WDR7: variants seen among roughly 807,000 people sequenced by gnomAD.
WDR7 encodes WD repeat-containing protein 7.
In WDR7, 46 loss-of-function variants were observed where a neutral mutation model predicts 169.4. The observed-to-expected ratio is 0.27, with a 90% CI of 0.21 to 0.35. WDR7 has a LOEUF of 0.35. WDR7 is among the 10% of genes least tolerant of loss of function. The pLI is 1.00. For missense variants in WDR7, 1,534 were observed against 1,859.3 expected (o/e 0.83, Z 3.22); for synonymous variants, 612 against 666.8 (o/e 0.92, Z 1.27).
chr18:56,781,439 CTAGCCT>C, intron 18 of WDR7, 88 bp from the exon 19 acceptor site: 1 of 1,292,372 alleles, frequency 7.7e-7, no homozygotes, highest in Non-Finnish European at 1.0e-6. Flanking sequence ...TTTATGTTTT[CTAGCCT>C]TATTTCATTA....
rs1261301329 is a variant in WDR7 at position 56,903,779 on chromosome 18, A to G, written c.3527-20143A>G. Reference sequence around the variant, plus strand: ...TTCTGTCAGATTCAAGAAAATTACTATGGACCACAAGTAGATTCCTTGCCA... The same window carrying G: ...TTCTGTCAGATTCAAGAAAATTACTGTGGACCACAAGTAGATTCCTTGCCA... On this transcript the variant is annotated intron_variant, in intron 21 of 27. Coordinates refer to ENST00000254442, the MANE Select transcript of WDR7 (RefSeq NM_015285.3). Among the ~76,000 whole-genome samples, 4 of 152,248 alleles carry G rather than the reference A, an allele frequency of 2.6e-5. No homozygotes were observed. In the East Asian group the frequency reaches 7.7e-4, roughly 29 times the overall value.
intron 20 of WDR7, among the ~76,000 whole-genome samples, chr18:56,860,003 G>GA (rs1286658235): frequency 6.6e-6 from 1 of 152,138 alleles, no homozygotes; most frequent in Non-Finnish European, 1.5e-5. Context: ...ATAAATGCAA[G>GA]AAAAGTATTT....
intron 25 of WDR7, among the ~76,000 whole-genome samples, chr18:56,947,729 G>A (rs749275775): frequency 3.9e-5 from 6 of 152,214 alleles, no homozygotes; most frequent in African/African-American, 4.8e-5. Context: ...ATCATGAAAC[G>A]TGAAGGCGTA....
chr18:57,029,158 A>T lies in WDR7; in HGVS notation c.*1951A>T, dbSNP rs532426040. 9 of 152,308 alleles carry T rather than the reference A, an allele frequency of 5.9e-5. No homozygotes were observed. Among genetic ancestry groups the T allele is most frequent in the African/African-American group, 2.2e-4 (9 of 41,562 alleles). The allele number at this position is 152,308 out of a possible 1,614,324, so 9.4% of individuals were successfully genotyped here. On this transcript the variant is annotated 3_prime_UTR_variant, in exon 28 of 28. Transcript: ENST00000254442. ...CTTTAACAAAAATGTTCTGTGTGTC[A>T]GGAAAGAGGTGTGAGAGTGGTAGGC...
chr18:56,824,801 G>A (rs964817278), intron 20 of WDR7, among the ~76,000 whole-genome samples: 9 of 152,136 alleles, frequency 5.9e-5, no homozygotes, highest in African/African-American at 2.2e-4. Context: ...TTTTCTCTTG[G>A]AAAATAATAC....
chr18:56,730,575 G>A (rs1233936990), intron 13 of WDR7, among the ~76,000 whole-genome samples: 3 of 151,908 alleles, frequency 2.0e-5, no homozygotes, highest in Admixed American at 6.6e-5. Context: ...GACCATCCTG[G>A]CTAACACGGT....
In WDR7 at chr18:56,731,515, G is replaced by C. The variant is rs1568163517; in HGVS notation, c.1907G>C (p.Ser636Thr). The C allele has an allele frequency of 6.2e-7, 1 of 1,614,118 alleles. No individual in the cohort carries two copies. Among genetic ancestry groups the C allele is most frequent in the East Asian group, 2.2e-5 (1 of 44,870 alleles). Residue 636 changes from serine to threonine, a missense_variant, in exon 14 of 28, where the codon AGT (serine) becomes ACT (threonine). Physicochemically the swap from Ser to Thr is moderately conservative, Grantham distance 58 (BLOSUM62 1). Transcript: ENST00000254442. ...VNLKQAMTRRSLAALKNMAHH... is the reference protein window; with the variant it reads ...VNLKQAMTRRTLAALKNMAHH... ...CTAAAACAAGCTATGACGAGACGTA[G>C]TCTTGCTGCTCTTAAAAATATGGCC...
intron 26 of WDR7, among the ~76,000 whole-genome samples, chr18:56,991,372 T>C (rs371409138): frequency 1.1e-3 from 174 of 152,100 alleles, no homozygotes; most frequent in African/African-American, 3.3e-3. Flanking sequence ...GTCTCGATCT[T>C]CTGACCTCGT....
chr18:56,743,181 G>C (rs1282870592), intron 14 of WDR7, among the ~76,000 whole-genome samples: 2 of 152,188 alleles, frequency 1.3e-5, no homozygotes, highest in Non-Finnish European at 2.9e-5. Context: ...GAATGTAAAA[G>C]CAGGTTTTGT....
In WDR7 at chr18:56,738,798, CTTTTTTT is replaced by C. The variant is rs10547813; in HGVS notation, c.1989+7220_1989+7226del. On this transcript the variant is annotated intron_variant, in intron 14 of 27. Coordinates refer to ENST00000254442, the MANE Select transcript of WDR7 (RefSeq NM_015285.3). Reference sequence around the variant, plus strand: ...CAGATCATTTAGATAGCATAAAATCCTTTTTTTTTTTTTTTTTTTTTTTTTGCAAAAT... The same window carrying C: ...CAGATCATTTAGATAGCATAAAATCCTTTTTTTTTTTTTTTTTTGCAAAAT... Among the ~76,000 whole-genome samples the C allele has an allele frequency of 4.0e-3, 238 of 58,818 alleles. 1 individual carries two copies. The highest frequency in any genetic ancestry group is 0.01 in the African/African-American group (169 of 16,894). The allele number at this position is 58,818 out of a possible 152,430, so 38.6% of individuals were successfully genotyped here. A position where few individuals can be genotyped will look rare whatever the true frequency, so the allele number is the denominator to read the frequency against.
At chr18:56,772,394 T>C (rs1016389206) in intron 16 of WDR7, among the ~76,000 whole-genome samples, 1 of 152,164 alleles carries the variant, frequency 6.6e-6, no homozygotes, top group Admixed American at 6.6e-5. Context: ...ACGTGGCAGA[T>C]ACAAGCAGGG....
At chr18:56,696,150 G>T in intron 11 of WDR7, 92 bp from the exon 12 acceptor site, 1 of 1,048,426 alleles carries the variant, frequency 9.5e-7, no homozygotes, top group East Asian at 2.6e-5. Flanking sequence ...GATATAATTT[G>T]TAGCTATTCT....
intron 20 of WDR7, among the ~76,000 whole-genome samples, chr18:56,853,715 GTTTA>G (rs946726021): frequency 1.1e-4 from 16 of 151,960 alleles, no homozygotes; most frequent in African/African-American, 2.9e-4. Flanking sequence ...GTTTTTTGTT[GTTTA>G]TTTGTTTTGT....
intron 20 of WDR7, among the ~76,000 whole-genome samples, chr18:56,855,095 T>A (rs2045698988): frequency 6.6e-6 from 1 of 152,190 alleles, no homozygotes; most frequent in African/African-American, 2.4e-5. Flanking sequence ...ATCCAACGCT[T>A]GACATTTAAA....
At chr18:56,689,817 A>G (rs935432345) in intron 7 of WDR7, among the ~76,000 whole-genome samples, 1 of 152,022 alleles carries the variant, frequency 6.6e-6, no homozygotes, top group Non-Finnish European at 1.5e-5. Context: ...TTATAGTTGT[A>G]TGATTTGCTT....
intron 26 of WDR7, among the ~76,000 whole-genome samples, chr18:56,965,633 C>T (rs774653203): frequency 3.9e-5 from 6 of 151,952 alleles, no homozygotes; most frequent in Non-Finnish European, 8.8e-5. Context: ...CACACACATT[C>T]GTTTATATAT....
intron 12 of WDR7, among the ~76,000 whole-genome samples, chr18:56,705,983 G>GCA (rs2025943072): frequency 6.6e-6 from 1 of 152,214 alleles, no homozygotes; most frequent in South Asian, 2.1e-4. Context: ...GGGCGACAGA[G>GCA]GGAGATGCCG....
chr18:56,735,336 A>G (rs1197183023), intron 14 of WDR7, among the ~76,000 whole-genome samples: 1 of 152,174 alleles, frequency 6.6e-6, no homozygotes, highest in African/African-American at 2.4e-5. Context: ...GCTATTAACA[A>G]GAATGTACAG....
At position 56,781,617 on chromosome 18, in the gene WDR7, G is replaced by T; in HGVS notation, c.3151G>T (p.Ala1051Ser). 1.2e-6 allele frequency: 2 copies of T among 1,612,436 alleles called. No individual in the cohort carries two copies. Among genetic ancestry groups the T allele is most frequent in the Non-Finnish European group, 1.7e-6 (2 of 1,179,232 alleles). Reference sequence around the variant, plus strand: ...CAGGAAGGAAGCCATTGATGCCTGGGCTCCTTACTTACCTCAGTACATAGA... The same window carrying T: ...CAGGAAGGAAGCCATTGATGCCTGGTCTCCTTACTTACCTCAGTACATAGA... ...AGRKEAIDAW[A>S]PYLPQYIDHV... is the part of the protein sequence containing the mutation. Residue 1051 changes from alanine to serine, a missense_variant, in exon 19 of 28, where the codon GCT (alanine) becomes TCT (serine). Coordinates refer to ENST00000254442, the MANE Select transcript of WDR7 (RefSeq NM_015285.3).
Sources: allele counts gnomAD v4.1 joint callset (sites outside exome capture counted in the v4.1 genomes callset), GRCh38; gene constraint gnomAD v4.1.1; transcripts MANE v1.5; gene names NCBI Gene and HGNC (gene_info 2026-07-23, HGNC 2026-07-21).